The following ZNF705G variants were observed in gnomAD, a reference collection of about 807,000 sequenced individuals.
ZNF705G encodes putative zinc finger protein 705G.
Under a neutral mutation model 19.6 loss-of-function variants are expected in ZNF705G, and 23 were observed. The ratio of observed to expected loss-of-function variants is 1.17; its 90% CI spans 0.84 to 1.66. The LOEUF is 1.66. Ranked by LOEUF, ZNF705G falls within the 40% of genes most tolerant of loss-of-function variation. The pLI is 0.00. For synonymous variants in ZNF705G, 146 were observed against 117.7 expected (o/e 1.24, Z -1.56); for missense variants, 457 against 354.4 (o/e 1.29, Z -2.32).
At chr8:7,376,712 G>T (rs1807253479) in intron 2 of ZNF705G, among the ~76,000 whole-genome samples, 1 of 150,204 alleles carries the variant, frequency 6.7e-6, no homozygotes, top group South Asian at 2.1e-4. Flanking sequence ...AAGTCTCAGG[G>T]TGTAACAAGT....
chr8:7,384,049 A>T (rs1807623335), intron 1 of ZNF705G, among the ~76,000 whole-genome samples: 1 of 135,096 alleles, frequency 7.4e-6, no homozygotes, highest in Non-Finnish European at 1.5e-5. Flanking sequence ...TGTTGATGAG[A>T]TGTAGACATC....
In ZNF705G at chr8:7,358,164, G is replaced by A; in HGVS notation, c.715C>T (p.Gln239Ter). The A allele has an allele frequency of 8.1e-6, 13 of 1,607,476 alleles. 1 individual carries two copies. The highest frequency in any genetic ancestry group is 6.7e-5 in the Admixed American group (4 of 59,936). The change falls in exon 7 of 7, where the codon CAA becomes TAA. Residue 239 changes from glutamine to a stop codon, truncating the protein, a stop_gained. Coordinates refer to ENST00000400156, the MANE Select transcript of ZNF705G (RefSeq NM_001164457.3). LOFTEE classifies it high-confidence loss of function. Reference sequence around the variant, plus strand: ...TCATGTCTTTGAAGGTTAAAGGATTGAATAAAGACTTTCCCATATTGATGA... The same window carrying A: ...TCATGTCTTTGAAGGTTAAAGGATTAAATAAAGACTTTCCCATATTGATGA... ...KCHQYGKVFI[Q>*]SFNLQRHERT...
intron 3 of ZNF705G, among the ~76,000 whole-genome samples, chr8:7,362,681 G>T (rs1378252828): frequency 6.7e-6 from 1 of 149,348 alleles, no homozygotes; most frequent in African/African-American, 2.6e-5. Context: ...TGTAATATTA[G>T]AAATTATATT....
intron 2 of ZNF705G, among the ~76,000 whole-genome samples, chr8:7,365,336 C>A (rs1440200862): frequency 6.7e-6 from 1 of 148,610 alleles, no homozygotes; most frequent in African/African-American, 2.6e-5. Context: ...AAGATGAGAG[C>A]CTGCACAGCT....
chr8:7,359,540 T>G, intron 6 of ZNF705G, 79 bp downstream of exon 6: 1 of 1,588,692 alleles, frequency 6.3e-7, no homozygotes, highest in South Asian at 1.1e-5. Flanking sequence ...TACACTCAGG[T>G]GATTGTGCTT....
chr8:7,355,739 T>C lies in ZNF705G; in HGVS notation c.*2237A>G, dbSNP rs1352354663. The C allele has an allele frequency of 6.7e-6, 1 of 149,596 alleles. No individual in the cohort carries two copies. Among genetic ancestry groups the C allele is most frequent in the East Asian group, 1.9e-4 (1 of 5,194 alleles). 9.3% of individuals were successfully genotyped at this position (149,596 alleles called of 1,614,324 possible). On this transcript the variant is annotated 3_prime_UTR_variant, in exon 7 of 7. Coordinates refer to ENST00000400156, the MANE Select transcript of ZNF705G (RefSeq NM_001164457.3). ...AGTACATCTTAATGTGGTTCAGGAG[T>C]ACATATAATGTCAGTCACAGTTTGT...
At chr8:7,376,914 A>C (rs1807266728) in intron 2 of ZNF705G, among the ~76,000 whole-genome samples, 1 of 148,494 alleles carries the variant, frequency 6.7e-6, no homozygotes, top group South Asian at 2.1e-4. Context: ...AAAACAGCTG[A>C]TCCAAAAGAG....
intron 6 of ZNF705G, among the ~76,000 whole-genome samples, 180 bp downstream of exon 6, chr8:7,359,439 T>G (rs1459645124): frequency 2.7e-5 from 4 of 149,714 alleles, no homozygotes; most frequent in African/African-American, 1.0e-4. Context: ...AGATCTCATG[T>G]TATGGTTTAG....
intron 2 of ZNF705G, among the ~76,000 whole-genome samples, chr8:7,364,905 C>G (rs528128730): frequency 6.7e-6 from 1 of 149,368 alleles, no homozygotes; most frequent in Non-Finnish European, 1.5e-5. Flanking sequence ...TAGAGAATGC[C>G]TACAAAGCTT....
chr8:7,367,138 T>G (rs1461088776), intron 2 of ZNF705G, among the ~76,000 whole-genome samples: 1 of 149,382 alleles, frequency 6.7e-6, no homozygotes, highest in Non-Finnish European at 1.5e-5. Flanking sequence ...GAAGTAACAA[T>G]TCACACAATA....
Position 7,380,411 on chromosome 8 carries a change from G to A in ZNF705G, c.-72+1041C>T, listed in dbSNP as rs576283240. Among the ~76,000 whole-genome samples the A allele has an allele frequency of 7.1e-3, 1,052 of 147,240 alleles. 2 individuals are homozygous for A. The highest frequency in any genetic ancestry group is 0.011 in the Non-Finnish European group (775 of 67,756). On this transcript the variant is annotated intron_variant, in intron 2 of 6. Coordinates refer to ENST00000400156, the MANE Select transcript of ZNF705G (RefSeq NM_001164457.3). ...TGAGTATGAGCCCACCCAGCCTGGT[G>A]GTGCCTGTGCACATTGTCTGGGAGC...
rs998716841 is a variant in ZNF705G at position 7,368,777 on chromosome 8, A to G, written c.-71-5760T>C. 1.2e-4 allele frequency among the ~76,000 whole-genome samples: 18 copies of G among 149,824 alleles called. 2 individuals carry two copies. Among genetic ancestry groups the G allele is most frequent in the African/African-American group, 3.8e-4 (15 of 39,194 alleles). ...AGTGCAAGCACAGGACAGTGCTCAC[A>G]GCAATCTAGGTCTCAGCCACTCCAG... On this transcript the variant is annotated intron_variant, in intron 2 of 6. Coordinates refer to ENST00000400156, the MANE Select transcript of ZNF705G (RefSeq NM_001164457.3).
intron 2 of ZNF705G, among the ~76,000 whole-genome samples, chr8:7,363,661 A>T (rs1318376221): frequency 4.7e-5 from 7 of 149,286 alleles, no homozygotes; most frequent in Non-Finnish European, 1.0e-4. Flanking sequence ...TCTGTAGTAA[A>T]AATACAAAAA....
At chr8:7,382,255 C>T (rs1415744940) in intron 1 of ZNF705G, among the ~76,000 whole-genome samples, 1 of 149,050 alleles carries the variant, frequency 6.7e-6, no homozygotes. Flanking sequence ...TTCAAATGTT[C>T]AAATTATGGC....
chr8:7,376,100 C>CA (rs1244239236), intron 2 of ZNF705G, among the ~76,000 whole-genome samples: 3 of 89,594 alleles, frequency 3.3e-5, no homozygotes, highest in Admixed American at 1.3e-4. Flanking sequence ...GCTCAGGGAT[C>CA]AAAAAACTCA....
intron 5 of ZNF705G, 90 bp from the exon 6 acceptor site, chr8:7,359,791 A>G: frequency 3.8e-6 from 6 of 1,578,288 alleles, no homozygotes; most frequent in Non-Finnish European, 5.2e-6. Context: ...TTTTTCAAAA[A>G]TTGACACGTA....
At chr8:7,365,973 T>C (rs1208589313) in intron 2 of ZNF705G, among the ~76,000 whole-genome samples, 1 of 149,492 alleles carries the variant, frequency 6.7e-6, no homozygotes, top group Non-Finnish European at 1.5e-5. Flanking sequence ...TTTAGTAGAT[T>C]CTCTCACTTC....
At position 7,367,264 on chromosome 8, in the gene ZNF705G, C is replaced by T. The variant is rs1182352507; in HGVS notation, c.-71-4247G>A. Among the ~76,000 whole-genome samples the T allele has an allele frequency of 3.3e-5, 5 of 149,286 alleles. 1 individual carries two copies. The highest frequency in any genetic ancestry group is 1.3e-4 in the Admixed American group (2 of 15,216). ...CAGGAGAGGGCTCTTCCCCTACCCA[C>T]TAGAAATGTCAGGTGATGGCCTGTC... On this transcript the variant is annotated intron_variant, in intron 2 of 6. Coordinates refer to ENST00000400156, the MANE Select transcript of ZNF705G (RefSeq NM_001164457.3).
chr8:7,360,716 T>G (rs1806535607), intron 4 of ZNF705G, among the ~76,000 whole-genome samples: 3 of 149,652 alleles, frequency 2.0e-5, no homozygotes, highest in Admixed American at 2.0e-4. Context: ...ATTGGTGTTC[T>G]ATATGGAAAA....
Sources: gnomAD v4.1 joint callset for allele counts (sites outside exome capture counted in the v4.1 genomes callset) on GRCh38, gnomAD v4.1.1 for gene constraint, MANE v1.5 for transcripts, NCBI Gene and HGNC (gene_info 2026-07-23, HGNC 2026-07-21) for gene names.